The following KCNQ1 variants were observed in gnomAD, a reference collection of about 807,000 sequenced individuals.
KCNQ1 encodes the protein potassium voltage-gated channel subfamily Q member 1.
A neutral mutation model predicts 72.4 loss-of-function variants in KCNQ1; 49 were observed. The ratio of observed to expected loss-of-function variants is 0.68; its 90% CI spans 0.54 to 0.86. The LOEUF is 0.86. Ranked by LOEUF, KCNQ1 falls within the 40% of genes least tolerant of loss-of-function variation. The pLI is 0.00. For synonymous variants in KCNQ1, 450 were observed against 412.6 expected, an observed-to-expected ratio of 1.09 and a Z score of -1.10; for missense variants, 790 against 945.1, an observed-to-expected ratio of 0.84 and a Z score of 2.15.
Position 2,809,428 on chromosome 11 carries a change from T to C in KCNQ1, c.1794+31391T>C, listed in dbSNP as rs1031001517. On this transcript the variant is annotated intron_variant, in intron 15 of 15. Transcript: ENST00000155840. The surrounding 1 kb of genome is among the most constrained non-coding windows in gnomAD (Gnocchi z 7.1). Reference sequence around the variant, plus strand: ...CCTCCTGGTGCAGCACGTGTTCATTTATGGGTTGTTGTTACCGTGGCATTG... The same window carrying C: ...CCTCCTGGTGCAGCACGTGTTCATTCATGGGTTGTTGTTACCGTGGCATTG... 5.9e-5 allele frequency among the ~76,000 whole-genome samples: 9 copies of C among 152,134 alleles called. No individual in the cohort carries two copies. The highest frequency in any genetic ancestry group is 1.2e-4 in the Non-Finnish European group (8 of 68,022).
chr11:2,754,542 C>G lies in KCNQ1; in HGVS notation c.1515-14302C>G, dbSNP rs2283226. ...CAAGGGTAGACAATTAGCCCATTAT[C>G]CCAGTGGACAAGACAGAGAGCCCTG... is the stretch of plus-strand genomic sequence containing the variant. On this transcript the variant is annotated intron_variant, in intron 11 of 15. Transcript: ENST00000155840. Among the ~76,000 whole-genome samples, 27 of 152,186 alleles carry G rather than the reference C, an allele frequency of 1.8e-4. No individual in the cohort carries two copies. The East Asian group carries it at 5.0e-3, about 28-fold the overall frequency.
At chr11:2,739,988 G>A (rs1025782365) in intron 11 of KCNQ1, among the ~76,000 whole-genome samples, 2 of 152,250 alleles carry the variant, frequency 1.3e-5, no homozygotes, top group African/African-American at 2.4e-5. Flanking sequence ...CTGGGGACTA[G>A]AGCAGGCTCC....
chr11:2,549,687 G>A lies in KCNQ1; in HGVS notation c.478-20941G>A, dbSNP rs1159143248. Among the ~76,000 whole-genome samples, 1 of 152,084 alleles carries A rather than the reference G, an allele frequency of 6.6e-6. No homozygotes were observed. Among genetic ancestry groups the A allele is most frequent in the Non-Finnish European group, 1.5e-5 (1 of 67,990 alleles). Reference sequence around the variant, plus strand: ...CTGGGGTGGGAACAAGAGGCGTTTTGTGTTCTGCATGGGTGGCCCTGGGCT... The same window carrying A: ...CTGGGGTGGGAACAAGAGGCGTTTTATGTTCTGCATGGGTGGCCCTGGGCT... On this transcript the variant is annotated intron_variant, in intron 2 of 15. Coordinates refer to ENST00000155840, the MANE Select transcript of KCNQ1 (RefSeq NM_000218.3). This position sits in a 1 kb window ranked among gnomAD's most constrained non-coding sequence, Gnocchi z 6.2.
Position 2,677,938 on chromosome 11 carries a change from T to C in KCNQ1, c.1514+15857T>C, listed in dbSNP as rs1850322398. On this transcript the variant is annotated intron_variant, in intron 11 of 15. Transcript: ENST00000155840. This position sits in a 1 kb window ranked among gnomAD's most constrained non-coding sequence, Gnocchi z 4.5. ...TTTTTATCTTCATTCATTTCATAGA[T>C]GAGAAATGGTACACTGGAGCTTTAA... 2.5e-6 allele frequency: 1 copy of C among 398,468 alleles called. No homozygotes were observed. The highest frequency in any genetic ancestry group is 2.1e-5 in the African/African-American group (1 of 48,650). The allele number at this position is 398,468 out of a possible 1,614,324, so 24.7% of individuals were successfully genotyped here. A position where few individuals can be genotyped will look rare whatever the true frequency, so the allele number is the denominator to read the frequency against.
rs1183860197 is a variant in KCNQ1 at position 2,613,004 on chromosome 11, T to A, written c.1393+24150T>A. ...GGTGTCTTTGCTCAGTTTTGTTTGT[T>A]TTAATTCTTATGTTTGTTTTGTAAG... On this transcript the variant is annotated intron_variant, in intron 10 of 15. Coordinates refer to ENST00000155840, the MANE Select transcript of KCNQ1 (RefSeq NM_000218.3). This position sits in a 1 kb window ranked among gnomAD's most constrained non-coding sequence, Gnocchi z 4.8. The A allele has an allele frequency of 7.5e-6, 3 of 398,512 alleles. No individual in the cohort carries two copies. The highest frequency in any genetic ancestry group is 1.3e-5 in the Non-Finnish European group (3 of 226,108). The allele number at this position is 398,512 out of a possible 1,614,324, so 24.7% of individuals were successfully genotyped here.
intron 1 of KCNQ1, among the ~76,000 whole-genome samples, chr11:2,522,964 G>A (rs1186772503): frequency 6.6e-6 from 1 of 152,250 alleles, no homozygotes. Flanking sequence ...GCAACGCCCA[G>A]TCAAGAATCT....
Position 2,462,950 on chromosome 11 carries a change from A to G in KCNQ1, c.386+17466A>G, listed in dbSNP as rs2133584485. 6.6e-6 allele frequency among the ~76,000 whole-genome samples: 1 copy of G among 152,246 alleles called. No individual in the cohort carries two copies. The highest frequency in any genetic ancestry group is 2.1e-4 in the South Asian group (1 of 4,824). On this transcript the variant is annotated intron_variant, in intron 1 of 15. Coordinates refer to ENST00000155840, the MANE Select transcript of KCNQ1 (RefSeq NM_000218.3). This position sits in a 1 kb window ranked among gnomAD's most constrained non-coding sequence, Gnocchi z 8.2. ...AGCAGACAGGGAGGGTCTTGGGGGA[A>G]GGCTGTGGGCCCTTGGGTGGAAGAG...
chr11:2,532,919 A>G lies in KCNQ1; in HGVS notation c.477+4901A>G, dbSNP rs179436. 0.8 allele frequency among the ~76,000 whole-genome samples: 122,183 copies of G among 152,096 alleles called. 49,407 individuals carry two copies. Among genetic ancestry groups the G allele is most frequent in the East Asian group, 0.97 (4,997 of 5,126 alleles). ...AGGTACGAGAAGCAAAGGTGTTTGC[A>G]GCCCTTGGGGCCAGGCGGCGGGAAG... is the stretch of plus-strand genomic sequence containing the variant. On this transcript the variant is annotated intron_variant, in intron 2 of 15. Transcript: ENST00000155840.
At chr11:2,534,054 G>C (rs768470907) in intron 2 of KCNQ1, among the ~76,000 whole-genome samples, 2 of 152,038 alleles carry the variant, frequency 1.3e-5, no homozygotes, top group Non-Finnish European at 2.9e-5. Flanking sequence ...AGCCTCCACT[G>C]CCTGGGTTTC....
chr11:2,661,780 T>C lies in KCNQ1; in HGVS notation c.1394-181T>C, dbSNP rs1351067175. On this transcript the variant is annotated intron_variant, in intron 10 of 15. Coordinates refer to ENST00000155840, the MANE Select transcript of KCNQ1 (RefSeq NM_000218.3). This position sits in a 1 kb window ranked among gnomAD's most constrained non-coding sequence, Gnocchi z 5.9. ...CTCAGACACTGAGGTGTCAGGCACT[T>C]TGGGGCCATCTTAAACACCCACCCA... The C allele has an allele frequency of 2.9e-6, 2 of 690,520 alleles. No individual in the cohort carries two copies. The highest frequency in any genetic ancestry group is 5.1e-6 in the Non-Finnish European group (2 of 392,882). The allele number at this position is 690,520 out of a possible 1,614,324, so 42.8% of individuals were successfully genotyped here.
chr11:2,837,957 G>A (rs73421349), intron 15 of KCNQ1, among the ~76,000 whole-genome samples: 6,161 of 152,292 alleles, frequency 0.04, 437 homozygotes, highest in African/African-American at 0.14. Context: ...AGCAGGTGCC[G>A]GTGCTTTCTC....
rs1851079235 is a variant in KCNQ1, at chr11:2,715,578, C to A, written c.1515-53266C>A. 6.6e-6 allele frequency among the ~76,000 whole-genome samples: 1 copy of A among 152,130 alleles called. No individual in the cohort carries two copies. Among genetic ancestry groups the A allele is most frequent in the Admixed American group, 6.5e-5 (1 of 15,290 alleles). On this transcript the variant is annotated intron_variant, in intron 11 of 15. Coordinates refer to ENST00000155840, the MANE Select transcript of KCNQ1 (RefSeq NM_000218.3). This position sits in a 1 kb window ranked among gnomAD's most constrained non-coding sequence, Gnocchi z 4.9. Reference sequence around the variant, plus strand: ...CTGTGCCCAAGCCTTCCTCTTCCACCACCCCTGCTGGGGTCCCCTGGGACC... The same window carrying A: ...CTGTGCCCAAGCCTTCCTCTTCCACAACCCCTGCTGGGGTCCCCTGGGACC...
intron 10 of KCNQ1, among the ~76,000 whole-genome samples, chr11:2,605,041 C>T (rs1329238879): frequency 6.6e-6 from 1 of 152,222 alleles, no homozygotes; most frequent in African/African-American, 2.4e-5. Context: ...TTCCCTGTGA[C>T]TACTCACGTT....
Position 2,848,245 on chromosome 11 carries a change from C to T in KCNQ1, c.*242C>T, listed in dbSNP as rs909951778. On this transcript the variant is annotated 3_prime_UTR_variant, in exon 16 of 16. Coordinates refer to ENST00000155840, the MANE Select transcript of KCNQ1 (RefSeq NM_000218.3). ...CAGGTCTGAGTTGTTACCCCAAGCG[C>T]CCTGGCCCCCACATGGTGATGTTGA... The T allele has an allele frequency of 7.7e-6, 5 of 649,298 alleles. No homozygotes were observed. The highest frequency in any genetic ancestry group is 1.4e-5 in the Non-Finnish European group (5 of 356,828). 40.2% of individuals were successfully genotyped at this position (649,298 alleles called of 1,614,324 possible).
In KCNQ1 at chr11:2,803,473, T is replaced by C. The variant is rs1406057453; in HGVS notation, c.1794+25436T>C. On this transcript the variant is annotated intron_variant, in intron 15 of 15. Transcript: ENST00000155840. The surrounding 1 kb of genome is among the most constrained non-coding windows in gnomAD (Gnocchi z 6.4). ...CCTGTGTTCCCAGGAGCTTTAGGGG[T>C]ACCCAGGTGGTGTGATGGGGAGCAG... 1.3e-5 allele frequency among the ~76,000 whole-genome samples: 2 copies of C among 152,090 alleles called. No homozygotes were observed. The highest frequency in any genetic ancestry group is 3.9e-4 in the East Asian group (2 of 5,180).
At position 2,703,635 on chromosome 11, in the gene KCNQ1, C is replaced by T. The variant is rs140624607; in HGVS notation, c.1514+41554C>T. 5.1e-4 allele frequency among the ~76,000 whole-genome samples: 78 copies of T among 152,096 alleles called. No homozygotes were observed. The highest frequency in any genetic ancestry group is 1.8e-3 in the African/African-American group (75 of 41,492). On this transcript the variant is annotated intron_variant, in intron 11 of 15. Transcript: ENST00000155840. This position sits in a 1 kb window ranked among gnomAD's most constrained non-coding sequence, Gnocchi z 6.4. ...GCTAATTCTTTTGCATTTGCCAGCA[C>T]AGAAGTGCAGATGGGGCCCAGAGCC...
At chr11:2,522,082 T>C (rs1042194574) in intron 1 of KCNQ1, among the ~76,000 whole-genome samples, 1 of 152,222 alleles carries the variant, frequency 6.6e-6, no homozygotes, top group Non-Finnish European at 1.5e-5. Flanking sequence ...GTCGGATAAT[T>C]CACCGGGTGC....
rs1207141177 is a variant in KCNQ1, at chr11:2,547,878, G to C, written c.477+19860G>C. Among the ~76,000 whole-genome samples the C allele has an allele frequency of 6.6e-6, 1 of 152,248 alleles. No individual in the cohort carries two copies. The highest frequency in any genetic ancestry group is 1.5e-5 in the Non-Finnish European group (1 of 68,054). ...GTTTCAGGGTCAAGCATTCCTGGCA[G>C]AGAGCATGGCACGTGCCAAGACCCG... On this transcript the variant is annotated intron_variant, in intron 2 of 15. Transcript: ENST00000155840. This position sits in a 1 kb window ranked among gnomAD's most constrained non-coding sequence, Gnocchi z 4.2.
intron 2 of KCNQ1, among the ~76,000 whole-genome samples, chr11:2,569,381 C>A (rs1270111636): frequency 6.6e-6 from 1 of 152,246 alleles, no homozygotes; most frequent in Non-Finnish European, 1.5e-5. Flanking sequence ...ATCATTCCAT[C>A]CTAATTAATA....
Sources: gnomAD v4.1 joint callset for allele counts (sites outside exome capture counted in the v4.1 genomes callset) on GRCh38, gnomAD v4.1.1 for gene constraint, Gnocchi (gnomAD v3.1) non-coding constraint, MANE v1.5 for transcripts, NCBI Gene and HGNC (gene_info 2026-07-23, HGNC 2026-07-21) for gene names.